MYLK: variants seen among roughly 807,000 people sequenced by gnomAD.
The protein encoded by MYLK is myosin light chain kinase, also known as myosin light chain kinase, smooth muscle.
A neutral mutation model predicts 203.4 loss-of-function variants in MYLK; 106 were observed. The ratio of observed to expected loss-of-function variants is 0.52; its 90% CI spans 0.45 to 0.61. The LOEUF (loss-of-function observed/expected upper bound fraction) is 0.61. MYLK is among the 20% of genes least tolerant of loss of function. The probability of loss-of-function intolerance (pLI) is 0.00; values close to 1 mark genes in which losing one functional copy is unlikely to be tolerated. For synonymous variants in MYLK, 867 were observed against 959.5 expected (o/e 0.90, Z 1.78); for missense variants, 2,072 against 2,442.3 (o/e 0.85, Z 3.20).
At chr3:123,778,382 A>G (rs1458411113) in intron 4 of MYLK, among the ~76,000 whole-genome samples, 3 of 151,916 alleles carry the variant, frequency 2.0e-5, no homozygotes, top group East Asian at 3.9e-4. Context: ...GCGTGGTGGC[A>G]GGCGCCTGTA....
At chr3:123,680,427 T>C (rs932279089) in intron 20 of MYLK, among the ~76,000 whole-genome samples, 1 of 152,122 alleles carries the variant, frequency 6.6e-6, no homozygotes, top group Non-Finnish European at 1.5e-5. Flanking sequence ...ACATTCTCTA[T>C]CTCTTCTGCT....
chr3:123,741,315 T>C (rs116275537), intron 5 of MYLK, among the ~76,000 whole-genome samples: 2,297 of 152,320 alleles, frequency 0.015, 23 homozygotes, highest in Middle Eastern at 0.061. Flanking sequence ...TAACAAACAC[T>C]GGCATCACAT....
rs2059046771 is a variant in MYLK at position 123,647,105 on chromosome 3, T to C, written c.4619+119A>G. 6 of 914,152 alleles carry C rather than the reference T, an allele frequency of 6.6e-6. No individual in the cohort carries two copies. In the South Asian group the frequency reaches 7.0e-5, roughly 11 times the overall value. 56.6% of individuals were successfully genotyped at this position (914,152 alleles called of 1,614,324 possible). On this transcript the variant is annotated intron_variant, in intron 27 of 33. Transcript: ENST00000360304. The stretch of plus-strand genomic sequence containing the variant: ...GTATGGCTGGTGAGCATCTTACATA[T>C]CACACTCCTGTCTGCAGTGCTTTCC...
chr3:123,658,387 C>T (rs2059457954), intron 23 of MYLK, among the ~76,000 whole-genome samples: 2 of 152,312 alleles, frequency 1.3e-5, no homozygotes, highest in Middle Eastern at 3.4e-3. Flanking sequence ...GTAGCCAATA[C>T]TTTAATGAGG....
rs930078470 is a variant in MYLK at position 123,761,919 on chromosome 3, C to T, written c.166-9381G>A. Among the ~76,000 whole-genome samples the T allele has an allele frequency of 1.1e-4, 16 of 152,058 alleles. No homozygotes were observed. In the East Asian group the frequency reaches 1.4e-3, roughly 13 times the overall value. On this transcript the variant is annotated intron_variant, in intron 4 of 33. Coordinates refer to ENST00000360304, the MANE Select transcript of MYLK (RefSeq NM_053025.4). ...GCGGGCACCTGTAATCCCAGCTACT[C>T]GGGAGCCTGAGGCAGGAGAATCACT...
At chr3:123,704,268 T>C (rs2061364215) in intron 16 of MYLK, among the ~76,000 whole-genome samples, 1 of 152,220 alleles carries the variant, frequency 6.6e-6, no homozygotes, top group Middle Eastern at 3.2e-3. Context: ...AAGCAAACCA[T>C]GGGTTCATTT....
rs771619672 is a variant in MYLK, at chr3:123,649,182, T to C, written c.4301A>G (p.Glu1434Gly). 1.9e-6 allele frequency: 3 copies of C among 1,612,636 alleles called. No homozygotes were observed. Among genetic ancestry groups the C allele is most frequent in the Non-Finnish European group, 2.5e-6 (3 of 1,179,912 alleles). Reference protein sequence around the residue: ...VGEKPEEPKDEVEVSDDDEKE... With the variant: ...VGEKPEEPKDGVEVSDDDEKE... ...CTCACCATCATCTGACACCTCCACTTCATCCTTCGGCTCTGGGGGGGGCAC... is the reference window on the plus strand; with the variant it reads ...CTCACCATCATCTGACACCTCCACTCCATCCTTCGGCTCTGGGGGGGGCAC... The change falls in exon 25 of 34, where the codon GAA (glutamate) becomes GGA (glycine). Residue 1434 changes from glutamate to glycine, a missense_variant. Glu to Gly is a moderately conservative substitution (Grantham distance 98, BLOSUM62 -2). This residue lies in a region of MYLK where 524 missense variants were observed against 782.4 expected (regional missense o/e 0.67). Coordinates refer to ENST00000360304, the MANE Select transcript of MYLK (RefSeq NM_053025.4).
chr3:123,692,955 G>C (rs1273169225), intron 18 of MYLK, 104 bp from the exon 19 acceptor site: 1 of 976,474 alleles, frequency 1.0e-6, no homozygotes, highest in Admixed American at 1.7e-5. Flanking sequence ...GCCTCTGGGA[G>C]CCCAGAAGCC....
chr3:123,708,757 G>A lies in MYLK; in HGVS notation c.2081C>T (p.Thr694Ile), dbSNP rs768309112. ...EVFPEDTGTY[T>I]CEAWNSAGEV... ...TCCAGCGCTGTTCCAGGCCTCGCAG[G>A]TGTACGTGCCCGTGTCCTCCGGGAA... Residue 694 changes from threonine (T) to isoleucine (I), a missense_variant, in exon 15 of 34, where the codon ACC (threonine) becomes ATC (isoleucine). Thr to Ile is a moderately conservative substitution (Grantham distance 89, BLOSUM62 -1). Transcript: ENST00000360304. The A allele has an allele frequency of 1.2e-6, 2 of 1,614,194 alleles. No homozygotes were observed. Among genetic ancestry groups the A allele is most frequent in the South Asian group, 1.1e-5 (1 of 91,086 alleles).
In MYLK at chr3:123,638,361, G is replaced by A. The variant is rs976749485; in HGVS notation, c.4838-167C>T. Among the ~76,000 whole-genome samples, 8 of 152,094 alleles carry A rather than the reference G, an allele frequency of 5.3e-5. No individual in the cohort carries two copies. The South Asian group carries it at 1.5e-3, about 28-fold the overall frequency. ...TCTGACCTCCTTGTTAAACAGGTGC[G>A]TCAACACACCAGTGAAACCAACAAA... On this transcript the variant is annotated intron_variant, in intron 28 of 33. Coordinates refer to ENST00000360304, the MANE Select transcript of MYLK (RefSeq NM_053025.4).
chr3:123,705,417 C>G (rs966008931), intron 16 of MYLK, among the ~76,000 whole-genome samples: 1 of 152,168 alleles, frequency 6.6e-6, no homozygotes, highest in Non-Finnish European at 1.5e-5. Context: ...TCCCTGTGCA[C>G]TTGGGAGAAA....
At chr3:123,661,586 A>G (rs1371410623) in intron 23 of MYLK, among the ~76,000 whole-genome samples, 1 of 152,208 alleles carries the variant, frequency 6.6e-6, no homozygotes, top group African/African-American at 2.4e-5. Flanking sequence ...CCCGATCTGA[A>G]ACTTCTAACC....
At chr3:123,799,544 T>C (rs2065118036) in intron 3 of MYLK, among the ~76,000 whole-genome samples, 2 of 152,080 alleles carry the variant, frequency 1.3e-5, no homozygotes, top group Non-Finnish European at 2.9e-5. Flanking sequence ...GGAAATATCA[T>C]ACCTTCCCTA....
rs562694562 is a variant in MYLK at position 123,636,500 on chromosome 3, C to T, written c.4961+1571G>A. 1.2e-4 allele frequency among the ~76,000 whole-genome samples: 19 copies of T among 152,362 alleles called. No individual in the cohort carries two copies. The South Asian group carries it at 2.9e-3, about 23-fold the overall frequency. ...GCTGGAGGGGGACCCTGGGACCAAG[C>T]GAGACCACAGCGCAGCTGGGGCTGA... On this transcript the variant is annotated intron_variant, in intron 29 of 33. Coordinates refer to ENST00000360304, the MANE Select transcript of MYLK (RefSeq NM_053025.4).
At chr3:123,841,133 G>A (rs2066582695) in intron 2 of MYLK, among the ~76,000 whole-genome samples, 1 of 152,080 alleles carries the variant, frequency 6.6e-6, no homozygotes, top group Non-Finnish European at 1.5e-5. Flanking sequence ...TCTGGACAAA[G>A]GCAGCAGCTT....
intron 2 of MYLK, among the ~76,000 whole-genome samples, chr3:123,834,418 G>T (rs1577094593): frequency 6.6e-6 from 1 of 152,002 alleles, no homozygotes. Context: ...TGGGATTTTT[G>T]CAGGGATCTA....
rs1482162485 is a variant in MYLK at position 123,647,406 on chromosome 3, A to G, written c.4437T>C (p.Phe1479=). ...RLGSGKFGQV[F]RLVEKKTRKV... ...TTCGAGTTTTCTTTTCTACAAGTCG[A>G]AAGACCTGTCCAAATTTCCCACTGC... Residue 1479 remains phenylalanine (F), a synonymous_variant, in exon 27 of 34, where the codon TTT becomes TTC. Transcript: ENST00000360304. 1.9e-6 allele frequency: 3 copies of G among 1,614,254 alleles called. No homozygotes were observed. Among genetic ancestry groups the G allele is most frequent in the Admixed American group, 1.7e-5 (1 of 60,022 alleles).
chr3:123,677,092 G>T (rs571001294), intron 20 of MYLK, among the ~76,000 whole-genome samples: 1 of 152,050 alleles, frequency 6.6e-6, no homozygotes, highest in African/African-American at 2.4e-5. Flanking sequence ...GTATGCTTAA[G>T]GCCTCTTTCC....
intron 8 of MYLK, 33 bp downstream of exon 8, chr3:123,737,345 A>G: frequency 1.1e-5 from 17 of 1,613,946 alleles, no homozygotes; most frequent in Non-Finnish European, 1.4e-5. Flanking sequence ...CCAGGCAGGG[A>G]TCGTTCTGCA....
Sources: allele counts gnomAD v4.1 joint callset (sites outside exome capture counted in the v4.1 genomes callset), GRCh38; gene constraint gnomAD v4.1.1; regional missense constraint gnomAD v4.1.1; transcripts MANE v1.5; gene names NCBI Gene and HGNC (gene_info 2026-07-23, HGNC 2026-07-21).